CDYL: variants seen among roughly 807,000 people sequenced by gnomAD.
CDYL encodes the protein chromodomain Y like.
CDYL carries 8 observed loss-of-function variants against 47.3 expected under a neutral mutation model. That is an observed-to-expected ratio of 0.17 (90% CI 0.10 to 0.31). The LOEUF (loss-of-function observed/expected upper bound fraction) is 0.31. Among genes scored for constraint, CDYL ranks in the 10% least tolerant of loss-of-function variants. CDYL has a pLI of 1.00. For synonymous variants in CDYL, 266 were observed against 265.0 expected (o/e 1.00, Z -0.04); for missense variants, 471 against 701.4 (o/e 0.67, Z 3.71).
chr6:4,891,847 C>T lies in CDYL; in HGVS notation c.159C>T (p.His53=), dbSNP rs61749071. 45,102 of 1,614,118 alleles carry T rather than the reference C, an allele frequency of 0.028. 832 individuals are homozygous for T. Among genetic ancestry groups the T allele is most frequent in the Non-Finnish European group, 0.034 (40,664 of 1,180,012 alleles). Residue 53 remains histidine (H), a synonymous_variant, in exon 2 of 7, where the codon CAC becomes CAT. Coordinates refer to ENST00000397588, the MANE Select transcript of CDYL (RefSeq NM_004824.4). ...TCGTGAACTGTGAGGAATACATCCA[C>T]GACTTCAACAGACGCCACACGGAGA... The part of the protein sequence containing the change: ...QHLVNCEEYI[H]DFNRRHTEKQ...
intron 3 of CDYL, among the ~76,000 whole-genome samples, chr6:4,752,162 A>G (rs867178802): frequency 2.6e-5 from 4 of 152,154 alleles, no homozygotes; most frequent in Non-Finnish European, 5.9e-5. Flanking sequence ...TATTCGCAGC[A>G]TATCCTGGGT....
At chr6:4,803,181 T>C (rs1451919400) in intron 1 of CDYL, among the ~76,000 whole-genome samples, 4 of 152,174 alleles carry the variant, frequency 2.6e-5, no homozygotes, top group Admixed American at 2.0e-4. Context: ...CCTTCTAGTT[T>C]TGGCTGCTAT....
At chr6:4,937,778 T>C (rs768974938) in intron 4 of CDYL, 41 bp downstream of exon 4, 116 of 1,538,952 alleles carry the variant, frequency 7.5e-5, no homozygotes, top group East Asian at 6.9e-5. Context: ...GTTGGGTGTT[T>C]TGTTTTTGGT....
intron 1 of CDYL, among the ~76,000 whole-genome samples, chr6:4,877,099 A>G (rs1357888560): frequency 6.6e-6 from 1 of 152,246 alleles, no homozygotes; most frequent in African/African-American, 2.4e-5. Context: ...CCCTGCCTCC[A>G]GAATTGTGAG....
rs542014894 is a variant in CDYL at position 4,931,054 on chromosome 6, T to G, written c.692-4461T>G. Among the ~76,000 whole-genome samples the G allele has an allele frequency of 1.1e-4, 16 of 152,340 alleles. 1 individual carries two copies. The South Asian group carries it at 3.3e-3, about 32-fold the overall frequency. On this transcript the variant is annotated intron_variant, in intron 2 of 6. Transcript: ENST00000397588. ...AAGTGTGGAGCTTACCATCCCTGGC[T>G]TGGGTTGAGGTAATGAGCTGTGTGA...
intron 3 of CDYL, among the ~76,000 whole-genome samples, chr6:4,937,024 C>A (rs1393220636): frequency 6.6e-6 from 1 of 152,128 alleles, no homozygotes; most frequent in Non-Finnish European, 1.5e-5. Flanking sequence ...CTGTATCAGG[C>A]TATGATGCAT....
At chr6:4,882,089 C>T (rs150660556) in intron 1 of CDYL, among the ~76,000 whole-genome samples, 46 of 152,322 alleles carry the variant, frequency 3.0e-4, no homozygotes, top group Non-Finnish European at 4.4e-4. Flanking sequence ...GACTGAGGCA[C>T]AGCACACCGG....
intron 2 of CDYL, among the ~76,000 whole-genome samples, chr6:4,893,271 C>G (rs984561471): frequency 1.3e-5 from 2 of 152,242 alleles, no homozygotes; most frequent in Non-Finnish European, 2.9e-5. Context: ...CGACCTGGCG[C>G]TCCGCTGCCC....
intron 2 of CDYL, among the ~76,000 whole-genome samples, chr6:4,911,043 G>A (rs1461923633): frequency 6.6e-6 from 1 of 152,068 alleles, no homozygotes; most frequent in Non-Finnish European, 1.5e-5. Flanking sequence ...TTTCACCGTG[G>A]TCTCGATCTC....
chr6:4,836,073 G>A (rs1399711201), intron 1 of CDYL: 1 of 157,142 alleles, frequency 6.4e-6, no homozygotes, highest in Non-Finnish European at 1.4e-5. Flanking sequence ...TGCGCACGGT[G>A]CGCTGCACCC....
chr6:4,788,051 T>A (rs1043216903), intron 1 of CDYL, among the ~76,000 whole-genome samples: 11 of 151,946 alleles, frequency 7.2e-5, no homozygotes, highest in African/African-American at 2.4e-4. Context: ...GGATTATAGG[T>A]GTGAGCCACC....
chr6:4,750,204 A>C (rs1399608500), intron 3 of CDYL, among the ~76,000 whole-genome samples: 1 of 151,366 alleles, frequency 6.6e-6, no homozygotes, highest in Non-Finnish European at 1.5e-5. Flanking sequence ...AATTTAATTT[A>C]TTATTATTAT....
At chr6:4,780,505 G>A (rs1041189504) in intron 1 of CDYL, among the ~76,000 whole-genome samples, 1 of 149,494 alleles carries the variant, frequency 6.7e-6, no homozygotes, top group Non-Finnish European at 1.5e-5. Flanking sequence ...CTGGTCTCAA[G>A]TGATCCGCCC....
intron 2 of CDYL, among the ~76,000 whole-genome samples, chr6:4,894,883 G>A (rs1393428313): frequency 2.1e-5 from 3 of 146,278 alleles, no homozygotes; most frequent in African/African-American, 8.1e-5. Flanking sequence ...ACATGTGTAT[G>A]TGTGTGTATA....
chr6:4,772,550 T>C (rs944726807), upstream of CDYL, among the ~76,000 whole-genome samples: 4 of 152,340 alleles, frequency 2.6e-5, no homozygotes, highest in East Asian at 5.8e-4. Context: ...TGGTTCTGTA[T>C]GCTTCTTTCT....
intron 1 of CDYL, among the ~76,000 whole-genome samples, chr6:4,792,201 A>C (rs1357035853): frequency 6.6e-6 from 1 of 151,860 alleles, no homozygotes; most frequent in Non-Finnish European, 1.5e-5. Context: ...CAGGAATTGT[A>C]GAATTTTATA....
chr6:4,871,093 G>T (rs1354903885), intron 1 of CDYL, among the ~76,000 whole-genome samples: 1 of 152,176 alleles, frequency 6.6e-6, no homozygotes, highest in African/African-American at 2.4e-5. Context: ...GTGTGTTTAT[G>T]TGTGTTTTAA....
At chr6:4,931,955 C>T (rs997564727) in intron 2 of CDYL, among the ~76,000 whole-genome samples, 3 of 152,180 alleles carry the variant, frequency 2.0e-5, no homozygotes, top group African/African-American at 2.4e-5. Context: ...CTGAGACTCA[C>T]GTATAAAGGC....
chr6:4,887,286 A>G (rs1761923997), intron 1 of CDYL, among the ~76,000 whole-genome samples: 1 of 152,172 alleles, frequency 6.6e-6, no homozygotes, highest in Non-Finnish European at 1.5e-5. Context: ...ATCAATTTGG[A>G]GAGTTTTATG....
Sources: allele counts gnomAD v4.1 joint callset (sites outside exome capture counted in the v4.1 genomes callset), GRCh38; gene constraint gnomAD v4.1.1; transcripts MANE v1.5; gene names NCBI Gene and HGNC (gene_info 2026-07-23, HGNC 2026-07-21).